The following TRIM37 variants were observed in gnomAD, a reference collection of about 807,000 sequenced individuals.
TRIM37 encodes tripartite motif containing 37.
In TRIM37, 80 loss-of-function variants were observed where a neutral mutation model predicts 129.8. The ratio of observed to expected loss-of-function variants is 0.62; its 90% CI spans 0.51 to 0.74. TRIM37 has a LOEUF of 0.74. Ranked by LOEUF, TRIM37 falls within the 30% of genes least tolerant of loss-of-function variation. The probability of loss-of-function intolerance (pLI) is 0.00; values close to 1 mark genes in which losing one functional copy is unlikely to be tolerated. For missense variants in TRIM37, 1,054 were observed against 1,176.5 expected (o/e 0.90, Z 1.52); for synonymous variants, 389 against 387.1 (o/e 1.00, Z -0.06).
At chr17:58,968,928 T>A in the TRIM37 span, among the ~76,000 whole-genome samples, 1 of 152,136 alleles carries the variant, frequency 6.6e-6, no homozygotes, top group South Asian at 2.1e-4. Context: ...GTGGTTCAAG[T>A]TTGGTAAACT....
chr17:59,098,609 G>A (rs948806298), intron 2 of TRIM37, among the ~76,000 whole-genome samples: 1 of 148,844 alleles, frequency 6.7e-6, no homozygotes, highest in South Asian at 2.1e-4. Context: ...AGGCTGCAGT[G>A]AGCCATGATT....
chr17:59,047,777 C>G lies in TRIM37; in HGVS notation c.1573G>C (p.Glu525Gln). 1 of 1,614,112 alleles carries G rather than the reference C, an allele frequency of 6.2e-7. No homozygotes were observed. Among genetic ancestry groups the G allele is most frequent in the Non-Finnish European group, 8.5e-7 (1 of 1,180,030 alleles). Residue 525 changes from glutamate (E) to glutamine (Q), a missense_variant, in exon 16 of 24, where the codon GAG becomes CAG. Around this residue, in one of 3 missense-constraint regions of TRIM37, gnomAD observed 752 missense variants for 870.8 expected, o/e 0.86. Transcript: ENST00000262294. The part of the protein sequence containing the change: ...DGDLDLDLVY[E>Q]DEVNQLDGSS... ...CCATCGAGCTGATTTACTTCATCCT[C>G]ATAAACAAGATCCAGATCCAGATCT... is the stretch of plus-strand genomic sequence containing the variant.
rs148095355 is a variant in TRIM37 at position 59,017,358 on chromosome 17, C to T, written c.2324G>A (p.Arg775Gln). 29 of 1,614,052 alleles carry T rather than the reference C, an allele frequency of 1.8e-5. No individual in the cohort carries two copies. In the African/African-American group the frequency reaches 3.7e-4, roughly 21 times the overall value. The change falls in exon 20 of 24, where the codon CGA (arginine) becomes CAA (glutamine). Residue 775 changes from arginine (R) to glutamine (Q), a missense_variant. Arg to Gln is a conservative substitution (Grantham distance 43). Around this residue, in one of 3 missense-constraint regions of TRIM37, gnomAD observed 287 missense variants for 274.3 expected, o/e 1.05. Coordinates refer to ENST00000262294, the MANE Select transcript of TRIM37 (RefSeq NM_015294.6). The part of the protein sequence containing the change: ...RSSVAGSLSL[R>Q]RAVDPGENSR... ...ATTTTCTCCAGGGTCCACTGCTCTT[C>T]GAAGTGATAGACTACCTGCTACACT... is the stretch of plus-strand genomic sequence containing the variant.
At chr17:59,093,906 A>AT (rs1265543006) in intron 2 of TRIM37, among the ~76,000 whole-genome samples, 3 of 151,764 alleles carry the variant, frequency 2.0e-5, no homozygotes, top group Admixed American at 2.0e-4. Flanking sequence ...TTATTTATTT[A>AT]TTTTTTGAGA....
At position 59,010,563 on chromosome 17, in the gene TRIM37, A is replaced by G. The variant is rs969746358; in HGVS notation, c.2695+1765T>C. Among the ~76,000 whole-genome samples, 3 of 152,130 alleles carry G rather than the reference A, an allele frequency of 2.0e-5. No individual in the cohort carries two copies. The East Asian group carries it at 5.8e-4, about 29-fold the overall frequency. ...GGCTGGAGTGCAGTGGCGTGATCTCAGCTCACTGCAACCTCTGCCTCCCAG... is the reference window on the plus strand; with the variant it reads ...GGCTGGAGTGCAGTGGCGTGATCTCGGCTCACTGCAACCTCTGCCTCCCAG... On this transcript the variant is annotated intron_variant, in intron 22 of 23. Coordinates refer to ENST00000262294, the MANE Select transcript of TRIM37 (RefSeq NM_015294.6).
intron 18 of TRIM37, among the ~76,000 whole-genome samples, 197 bp from the exon 19 acceptor site, chr17:59,028,920 ATC>A (rs2037528620): frequency 6.6e-6 from 1 of 152,208 alleles, no homozygotes; most frequent in African/African-American, 2.4e-5. Context: ...CAGAGTTAGA[ATC>A]TGAGTCACAT....
At chr17:58,992,269 A>ATATATTTATATTTATATATATT (rs1177273266) in intron 24 of TRIM37, among the ~76,000 whole-genome samples, 4 of 143,832 alleles carry the variant, frequency 2.8e-5, no homozygotes, top group South Asian at 2.1e-4. Context: ...ATAAATATAA[A>ATATATTTATATTTATATATATT]TATATATATA....
chr17:59,041,826 A>G lies in TRIM37; in HGVS notation c.1740T>C (p.Ala580=). Residue 580 remains alanine, a synonymous_variant, in exon 17 of 24, where the codon GCT becomes GCC. Transcript: ENST00000262294. ...EEGELMEDAA[A]AGPAGSSHGY... Reference sequence around the variant, plus strand: ...TGACCTCATTACCTGCGGGTCCTGCAGCAGCTGCATCTTCCATGAGTTCTC... The same window carrying G: ...TGACCTCATTACCTGCGGGTCCTGCGGCAGCTGCATCTTCCATGAGTTCTC... 4 of 1,613,646 alleles carry G rather than the reference A, an allele frequency of 2.5e-6. No homozygotes were observed. Among genetic ancestry groups the G allele is most frequent in the Non-Finnish European group, 2.5e-6 (3 of 1,179,598 alleles).
At chr17:59,057,377 A>G (rs1249079303) in intron 12 of TRIM37, among the ~76,000 whole-genome samples, 3 of 151,678 alleles carry the variant, frequency 2.0e-5, no homozygotes, top group African/African-American at 4.8e-5. Flanking sequence ...ATGCTTAGCT[A>G]ATTTTGTATT....
chr17:59,037,502 G>A (rs1460008861), intron 17 of TRIM37, among the ~76,000 whole-genome samples: 1 of 130,122 alleles, frequency 7.7e-6, no homozygotes, highest in Non-Finnish European at 1.6e-5. Flanking sequence ...AGCTTGCAGT[G>A]AGCCAAGATC....
Position 59,079,787 on chromosome 17 carries a change from T to C in TRIM37, c.583A>G (p.Thr195Ala). ...AVEMMIARLD[T>A]QLKNKLITLM... ...GTTATAAGCTTATTCTTCAGCTGTG[T>C]GTCTAACCGTGCAATCATCATCTCC... The change falls in exon 7 of 24, where the codon ACA becomes GCA. Residue 195 changes from threonine (T) to alanine (A), a missense_variant. Transcript: ENST00000262294. 1 of 1,614,108 alleles carries C rather than the reference T, an allele frequency of 6.2e-7. No individual in the cohort carries two copies. Among genetic ancestry groups the C allele is most frequent in the Non-Finnish European group, 8.5e-7 (1 of 1,179,980 alleles).
At chr17:59,045,436 G>C (rs1303464595) in intron 16 of TRIM37, among the ~76,000 whole-genome samples, 1 of 151,620 alleles carries the variant, frequency 6.6e-6, no homozygotes, top group Non-Finnish European at 1.5e-5. Context: ...TCAGGTGTTT[G>C]AGACCAGCCT....
chr17:58,995,340 T>C (rs8081967), downstream of TRIM37, among the ~76,000 whole-genome samples: 99,255 of 151,434 alleles, frequency 0.66, 33,167 homozygotes, highest in African/African-American at 0.77. Flanking sequence ...CATGGTTCCT[T>C]AGGAAGTGGT....
chr17:59,005,766 A>G (rs929920955), intron 22 of TRIM37, among the ~76,000 whole-genome samples: 1 of 152,222 alleles, frequency 6.6e-6, no homozygotes, highest in African/African-American at 2.4e-5. Context: ...ATGCCAATAT[A>G]AGGATTTTGC....
At chr17:59,068,847 G>A (rs1426083952) in intron 9 of TRIM37, among the ~76,000 whole-genome samples, 1 of 152,058 alleles carries the variant, frequency 6.6e-6, no homozygotes, top group Non-Finnish European at 1.5e-5. Flanking sequence ...CTCAGTCAGG[G>A]GTGATTTTGT....
intron 18 of TRIM37, among the ~76,000 whole-genome samples, chr17:59,030,023 A>C (rs1279680463): frequency 3.3e-5 from 5 of 152,136 alleles, no homozygotes; most frequent in African/African-American, 1.2e-4. Flanking sequence ...CTCTTCTTTT[A>C]AAATATTCTT....
At chr17:59,105,379 C>G (rs1374464867) in intron 1 of TRIM37, among the ~76,000 whole-genome samples, 2 of 151,978 alleles carry the variant, frequency 1.3e-5, no homozygotes, top group Admixed American at 1.3e-4. Flanking sequence ...TAGTTCAAAG[C>G]GATCTTGGGA....
intron 17 of TRIM37, among the ~76,000 whole-genome samples, chr17:59,039,278 T>C (rs1056357252): frequency 1.3e-5 from 2 of 152,074 alleles, no homozygotes; most frequent in East Asian, 3.9e-4. Context: ...TATGTTACCC[T>C]TCCCTCCTGC....
intron 17 of TRIM37, among the ~76,000 whole-genome samples, chr17:59,039,378 G>A (rs572047009): frequency 1.4e-4 from 20 of 143,248 alleles, no homozygotes; most frequent in Non-Finnish European, 2.7e-4. Flanking sequence ...ATGGAGTCTC[G>A]CTCTGTCACC....
Sources: gnomAD v4.1 joint callset for allele counts (sites outside exome capture counted in the v4.1 genomes callset) on GRCh38, gnomAD v4.1.1 for gene constraint, gnomAD v4.1.1 regional missense constraint, MANE v1.5 for transcripts, NCBI Gene and HGNC (gene_info 2026-07-23, HGNC 2026-07-21) for gene names.